MGAT4C: variants seen among roughly 807,000 people sequenced by gnomAD.
MGAT4C encodes alpha-1,3-mannosyl-glycoprotein 4-beta-N-acetylglucosaminyltransferase C.
MGAT4C carries 19 observed loss-of-function variants against 40.1 expected under a neutral mutation model. The ratio of observed to expected loss-of-function variants is 0.47; its 90% CI spans 0.33 to 0.70. The LOEUF (loss-of-function observed/expected upper bound fraction) is 0.70. Among genes scored for constraint, MGAT4C ranks in the 30% least tolerant of loss-of-function variants. The pLI is 0.02. For synonymous variants in MGAT4C, 181 were observed against 187.1 expected (o/e 0.97, Z 0.27); for missense variants, 491 against 563.2 (o/e 0.87, Z 1.30).
intron 1 of MGAT4C, among the ~76,000 whole-genome samples, chr12:86,827,191 T>G (rs1449024962): frequency 6.6e-6 from 1 of 151,416 alleles, no homozygotes; most frequent in Non-Finnish European, 1.5e-5. Context: ...AGGCTGGCCA[T>G]ATTAGCAGCA....
At chr12:86,460,345 T>G (rs1957579677) in intron 2 of MGAT4C, among the ~76,000 whole-genome samples, 1 of 152,200 alleles carries the variant, frequency 6.6e-6, no homozygotes, top group South Asian at 2.1e-4. Context: ...CTCCTTCCTA[T>G]GTTAAGAGTA....
intron 2 of MGAT4C, among the ~76,000 whole-genome samples, chr12:86,462,033 G>A (rs985046538): frequency 3.3e-5 from 5 of 152,126 alleles, no homozygotes; most frequent in African/African-American, 9.7e-5. Context: ...AATGTAATAG[G>A]GAAATGTGTT....
chr12:86,587,241 T>G (rs1407737085), intron 2 of MGAT4C, among the ~76,000 whole-genome samples: 1 of 152,004 alleles, frequency 6.6e-6, no homozygotes, highest in Non-Finnish European at 1.5e-5. Context: ...TTTCTCAGGT[T>G]TGTCAAAGAT....
intron 1 of MGAT4C, among the ~76,000 whole-genome samples, chr12:86,074,407 T>TG (rs150040178): frequency 1.7e-4 from 26 of 152,228 alleles, no homozygotes; most frequent in Non-Finnish European, 3.4e-4. Flanking sequence ...TAGAGAACCC[T>TG]GACTAATACA....
chr12:86,068,299 A>G (rs1279606698), intron 1 of MGAT4C: 2 of 152,104 alleles, frequency 1.3e-5, no homozygotes, highest in Middle Eastern at 3.2e-3. Context: ...CTTTGCAACT[A>G]TCTCTAAACT....
chr12:86,771,975 T>C (rs1483085031), intron 1 of MGAT4C, among the ~76,000 whole-genome samples: 1 of 152,058 alleles, frequency 6.6e-6, no homozygotes, highest in African/African-American at 2.4e-5. Context: ...TATGGCAAAA[T>C]ACTAAAGGAG....
At chr12:86,330,545 A>T (rs977700927) in intron 4 of MGAT4C, among the ~76,000 whole-genome samples, 1 of 152,302 alleles carries the variant, frequency 6.6e-6, no homozygotes, top group African/African-American at 2.4e-5. Flanking sequence ...TTGTCTACTG[A>T]GGTGTGATGC....
In MGAT4C at chr12:86,133,669, C is replaced by T. The variant is rs578045665; in HGVS notation, c.-56-83946G>A. On this transcript the variant is annotated intron_variant, in intron 1 of 4. Transcript: ENST00000611864. ...CTTTTCTAATAAATGGATTCAAAAT[C>T]CTTATATGTAAAGATCCAAGGAGCT... Among the ~76,000 whole-genome samples the T allele has an allele frequency of 1.1e-3, 160 of 152,136 alleles. 1 individual carries two copies. The highest frequency in any genetic ancestry group is 3.7e-3 in the African/African-American group (152 of 41,522).
At chr12:86,459,449 G>GC (rs2136293994) in intron 2 of MGAT4C, among the ~76,000 whole-genome samples, 1 of 151,952 alleles carries the variant, frequency 6.6e-6, no homozygotes, top group South Asian at 2.1e-4. Flanking sequence ...CTGCCTATGG[G>GC]CCACATAGGA....
chr12:86,691,077 A>C (rs2136597328), intron 2 of MGAT4C, among the ~76,000 whole-genome samples: 1 of 152,250 alleles, frequency 6.6e-6, no homozygotes, highest in East Asian at 1.9e-4. Context: ...TCAACACCTA[A>C]ACTTTTGAGG....
intron 1 of MGAT4C, among the ~76,000 whole-genome samples, chr12:86,094,987 T>A (rs1189592094): frequency 6.6e-6 from 1 of 152,178 alleles, no homozygotes; most frequent in Non-Finnish European, 1.5e-5. Context: ...CAGAGAATGT[T>A]AGCTATGTTC....
At chr12:86,352,080 C>T (rs958811203) in intron 3 of MGAT4C, among the ~76,000 whole-genome samples, 1 of 151,988 alleles carries the variant, frequency 6.6e-6, no homozygotes, top group Non-Finnish European at 1.5e-5. Context: ...AGCTTATTGG[C>T]ACTTATTAAT....
chr12:86,714,473 T>C (rs183712711), intron 2 of MGAT4C, among the ~76,000 whole-genome samples: 4 of 152,126 alleles, frequency 2.6e-5, no homozygotes, highest in Admixed American at 1.3e-4. Flanking sequence ...TGGGAGATAA[T>C]TGAATCATGA....
intron 1 of MGAT4C, among the ~76,000 whole-genome samples, chr12:86,107,781 G>T (rs980617568): frequency 6.6e-6 from 1 of 152,058 alleles, no homozygotes; most frequent in Admixed American, 6.6e-5. Context: ...GATGAAAATT[G>T]CATACTAGGA....
chr12:86,730,435 T>G (rs1482237909), intron 1 of MGAT4C, among the ~76,000 whole-genome samples: 1 of 152,056 alleles, frequency 6.6e-6, no homozygotes, highest in East Asian at 1.9e-4. Context: ...AGTATTTGAT[T>G]AACAGGAAAT....
intron 2 of MGAT4C, among the ~76,000 whole-genome samples, chr12:86,577,322 C>T (rs1960603600): frequency 6.6e-6 from 1 of 151,774 alleles, no homozygotes. Context: ...GATTGTTCTA[C>T]CTAGGACTTC....
At chr12:86,363,094 C>T (rs1955517983) in intron 3 of MGAT4C, among the ~76,000 whole-genome samples, 1 of 151,942 alleles carries the variant, frequency 6.6e-6, no homozygotes, top group South Asian at 2.1e-4. Context: ...AAATTCAAAA[C>T]TATACCTATT....
At chr12:86,750,639 T>G (rs747484485) in intron 1 of MGAT4C, among the ~76,000 whole-genome samples, 1 of 151,816 alleles carries the variant, frequency 6.6e-6, no homozygotes, top group Non-Finnish European at 1.5e-5. Flanking sequence ...AAGAAAGAAA[T>G]ACAAGAGAAA....
intron 1 of MGAT4C, among the ~76,000 whole-genome samples, chr12:86,118,495 T>C (rs1878806711): frequency 6.6e-6 from 1 of 152,166 alleles, no homozygotes; most frequent in Admixed American, 6.5e-5. Flanking sequence ...TATCCTTGAC[T>C]ATGCAGTACT....
Sources: allele counts gnomAD v4.1 joint callset (sites outside exome capture counted in the v4.1 genomes callset), GRCh38; gene constraint gnomAD v4.1.1; transcripts MANE v1.5; gene names NCBI Gene and HGNC (gene_info 2026-07-23, HGNC 2026-07-21).